The following SPATA17 variants were observed in gnomAD, a reference collection of about 807,000 sequenced individuals.
The protein encoded by SPATA17 is spermatogenesis associated 17.
In SPATA17, 53 loss-of-function variants were observed where a neutral mutation model predicts 62.2. The ratio of observed to expected loss-of-function variants is 0.85; its 90% CI spans 0.68 to 1.07. SPATA17 has a LOEUF of 1.07. Ranked by LOEUF, SPATA17 falls within the 50% of genes least tolerant of loss-of-function variation. SPATA17 has a pLI of 0.00. For synonymous variants in SPATA17, 146 were observed against 146.8 expected (o/e 0.99, Z 0.04); for missense variants, 466 against 425.5 (o/e 1.10, Z -0.84).
At chr1:217,809,952 G>A (rs998194489) in intron 9 of SPATA17, among the ~76,000 whole-genome samples, 3 of 151,952 alleles carry the variant, frequency 2.0e-5, no homozygotes, top group African/African-American at 7.3e-5. Flanking sequence ...TTTTCTCTTT[G>A]ACATAAACAT....
rs565194622 is a variant in SPATA17, at chr1:217,657,956, G to A, written c.240+6778G>A. 3.9e-5 allele frequency among the ~76,000 whole-genome samples: 6 copies of A among 152,268 alleles called. No individual in the cohort carries two copies. The South Asian group carries it at 1.2e-3, about 32-fold the overall frequency. On this transcript the variant is annotated intron_variant, in intron 3 of 10. Coordinates refer to ENST00000366933, the MANE Select transcript of SPATA17 (RefSeq NM_138796.4). ...CATGGTGGCAAGCAAGAGAGAATGA[G>A]CAAAAGGAGGAAAAGCCCCCTATAA...
At chr1:217,749,985 C>CTATATATATATATATATATATATATA (rs57489651) in intron 6 of SPATA17, among the ~76,000 whole-genome samples, 11 of 12,308 alleles carry the variant, frequency 8.9e-4, no homozygotes, top group Non-Finnish European at 1.3e-3. Context: ...CTCTCTCTCT[C>CTATATATATATATATATATATATATA]TATATATATA....
chr1:217,702,887 C>CT (rs879803658), intron 5 of SPATA17, among the ~76,000 whole-genome samples: 110 of 145,652 alleles, frequency 7.6e-4, no homozygotes, highest in East Asian at 3.0e-3. Context: ...TATTTCATTA[C>CT]TTTTTTTTTT....
chr1:217,698,232 GA>G (rs1352605730), intron 5 of SPATA17, among the ~76,000 whole-genome samples: 1 of 152,058 alleles, frequency 6.6e-6, no homozygotes, highest in Non-Finnish European at 1.5e-5. Context: ...TTGGGAGTTT[GA>G]GAACAGCCTG....
At chr1:217,792,455 T>G (rs2102982670) in intron 8 of SPATA17, among the ~76,000 whole-genome samples, 1 of 152,320 alleles carries the variant, frequency 6.6e-6, no homozygotes, top group African/African-American at 2.4e-5. Context: ...CACCTTCATC[T>G]GCTTCTTTCT....
chr1:217,698,918 C>T (rs771596679), intron 5 of SPATA17, among the ~76,000 whole-genome samples: 15 of 152,146 alleles, frequency 9.9e-5, no homozygotes, highest in Non-Finnish European at 2.2e-4. Context: ...CATCTGTTTG[C>T]CGTTTCTATA....
intron 9 of SPATA17, among the ~76,000 whole-genome samples, chr1:217,808,934 G>A (rs1286999221): frequency 6.6e-6 from 1 of 151,954 alleles, no homozygotes; most frequent in African/African-American, 2.4e-5. Context: ...GATGAGAAGA[G>A]TTTATATGCC....
chr1:217,825,778 T>C (rs1163251396), intron 9 of SPATA17, among the ~76,000 whole-genome samples: 1 of 152,056 alleles, frequency 6.6e-6, no homozygotes, highest in Non-Finnish European at 1.5e-5. Flanking sequence ...CCTAAAAGTT[T>C]TACCAATCAC....
chr1:217,830,658 A>C (rs1675119370), intron 9 of SPATA17, among the ~76,000 whole-genome samples: 1 of 152,150 alleles, frequency 6.6e-6, no homozygotes, highest in Non-Finnish European at 1.5e-5. Context: ...TATTCTTAGA[A>C]GAGCCTGGAA....
At chr1:217,777,412 C>G (rs1164890205) in intron 7 of SPATA17, among the ~76,000 whole-genome samples, 4 of 151,822 alleles carry the variant, frequency 2.6e-5, no homozygotes, top group African/African-American at 4.8e-5. Flanking sequence ...TATCCGTATT[C>G]TTTTTTTGAG....
At position 217,774,381 on chromosome 1, in the gene SPATA17, G is replaced by A; in HGVS notation, c.567G>A (p.Trp189Ter). Residue 189 changes from tryptophan to a stop codon, truncating the protein, a stop_gained, in exon 7 of 11, where the codon TGG becomes TGA. Transcript: ENST00000366933. LOFTEE classifies it high-confidence loss of function. The stretch of plus-strand genomic sequence containing the variant: ...CCTTCAGAAAAGAGCCTGATCCATG[G>A]GAGCTGCAATTACAGAAGGCAAAGC... ...NSPFRKEPDP[W>*]ELQLQKAKPL... 1.9e-6 allele frequency: 3 copies of A among 1,613,996 alleles called. No individual in the cohort carries two copies. The highest frequency in any genetic ancestry group is 8.5e-7 in the Non-Finnish European group (1 of 1,179,942).
At chr1:217,865,087 C>T (rs1156348191) in intron 10 of SPATA17, among the ~76,000 whole-genome samples, 2 of 152,100 alleles carry the variant, frequency 1.3e-5, no homozygotes, top group African/African-American at 4.8e-5. Flanking sequence ...TGAAGGGCAG[C>T]AGCCTTAGCT....
intron 5 of SPATA17, among the ~76,000 whole-genome samples, chr1:217,685,229 T>A (rs1169225118): frequency 6.6e-6 from 1 of 151,966 alleles, no homozygotes; most frequent in African/African-American, 2.4e-5. Context: ...ACCCCAAGAG[T>A]GAGTATGTCC....
chr1:217,850,937 G>A (rs1162022206), intron 9 of SPATA17, among the ~76,000 whole-genome samples: 3 of 152,052 alleles, frequency 2.0e-5, no homozygotes, highest in African/African-American at 7.2e-5. Flanking sequence ...ATGCACCATA[G>A]GCATTCAGGG....
At chr1:217,700,072 AT>A (rs1450349755) in intron 5 of SPATA17, among the ~76,000 whole-genome samples, 1 of 152,138 alleles carries the variant, frequency 6.6e-6, no homozygotes, top group Non-Finnish European at 1.5e-5. Context: ...TAACTATATA[AT>A]AAACCTTAAC....
intron 4 of SPATA17, among the ~76,000 whole-genome samples, chr1:217,670,195 C>A (rs1276087267): frequency 6.6e-6 from 1 of 152,156 alleles, no homozygotes; most frequent in African/African-American, 2.4e-5. Context: ...GAGACTAAAA[C>A]ACCATTGATT....
intron 5 of SPATA17, among the ~76,000 whole-genome samples, chr1:217,723,554 C>T (rs1672188187): frequency 6.6e-6 from 1 of 152,072 alleles, no homozygotes; most frequent in Non-Finnish European, 1.5e-5. Context: ...TCATATTGCC[C>T]ATCCTTCCTC....
At position 217,705,734 on chromosome 1, in the gene SPATA17, C is replaced by T. The variant is rs567054416; in HGVS notation, c.395+22373C>T. ...GATTATAGGCGTGAGCCACCGTGCCCGGCCTATTTGTGATTTTTAATTTTT... is the reference window on the plus strand; with the variant it reads ...GATTATAGGCGTGAGCCACCGTGCCTGGCCTATTTGTGATTTTTAATTTTT... On this transcript the variant is annotated intron_variant, in intron 5 of 10. Transcript: ENST00000366933. Among the ~76,000 whole-genome samples, 32 of 152,132 alleles carry T rather than the reference C, an allele frequency of 2.1e-4. 1 individual carries two copies. The highest frequency in any genetic ancestry group is 2.1e-3 in the South Asian group (10 of 4,822).
chr1:217,763,945 A>G (rs1430332767), intron 6 of SPATA17, among the ~76,000 whole-genome samples: 1 of 152,172 alleles, frequency 6.6e-6, no homozygotes, highest in Non-Finnish European at 1.5e-5. Flanking sequence ...GATTTATAGA[A>G]AAATTGATAG....
Sources: allele counts gnomAD v4.1 joint callset (sites outside exome capture counted in the v4.1 genomes callset), GRCh38; gene constraint gnomAD v4.1.1; transcripts MANE v1.5; gene names NCBI Gene and HGNC (gene_info 2026-07-23, HGNC 2026-07-21).